Variants in RYR3 observed in about 807,000 individuals in gnomAD.
RYR3 encodes brain ryanodine receptor-calcium release channel.
A neutral mutation model predicts 584.3 loss-of-function variants in RYR3; 207 were observed. The observed-to-expected ratio is 0.35, with a 90% CI of 0.32 to 0.40. The LOEUF (loss-of-function observed/expected upper bound fraction) is 0.40, where lower values mean the gene tolerates loss of function less well. RYR3 is among the 10% of genes least tolerant of loss of function. The probability of loss-of-function intolerance (pLI) is 1.00; values close to 1 mark genes in which losing one functional copy is unlikely to be tolerated. For synonymous variants in RYR3, 2,416 were observed against 2,248.5 expected, an observed-to-expected ratio of 1.07 and a Z score of -2.11; for missense variants, 5,616 against 6,089.2, an observed-to-expected ratio of 0.92 and a Z score of 2.59.
Position 33,598,380 on chromosome 15 carries a change from T to A in RYR3, c.1789-3039T>A, listed in dbSNP as rs549561146. 6.6e-5 allele frequency among the ~76,000 whole-genome samples: 10 copies of A among 151,192 alleles called. No individual in the cohort carries two copies. In the South Asian group the frequency reaches 1.7e-3, roughly 25 times the overall value. ...CTAAGCTGACTTTTAACCATTGAGCTCCTTTAAAAAAGTTTTTTTTTAAAT... is the reference window on the plus strand; with the variant it reads ...CTAAGCTGACTTTTAACCATTGAGCACCTTTAAAAAAGTTTTTTTTTAAAT... On this transcript the variant is annotated intron_variant, in intron 16 of 103. Coordinates refer to ENST00000634891, the MANE Select transcript of RYR3 (RefSeq NM_001036.6).
Position 33,693,326 on chromosome 15 carries a change from G to T in RYR3, c.5861-2892G>T, listed in dbSNP as rs2065586232. Among the ~76,000 whole-genome samples, 11 of 152,232 alleles carry T rather than the reference G, an allele frequency of 7.2e-5. No homozygotes were observed. In the South Asian group the frequency reaches 2.3e-3, roughly 32 times the overall value. ...GCGCCACCACTCCAGCAGCGCCCAG[G>T]TCCTGTGCCCGGCCCTTTGCGCTGC... On this transcript the variant is annotated intron_variant, in intron 38 of 103. Coordinates refer to ENST00000634891, the MANE Select transcript of RYR3 (RefSeq NM_001036.6).
chr15:33,857,267 C>A (rs1298820566), intron 98 of RYR3, among the ~76,000 whole-genome samples: 1 of 138,496 alleles, frequency 7.2e-6, no homozygotes, highest in Admixed American at 7.3e-5. Flanking sequence ...CACCTGGTCT[C>A]CTCAGGGGCC....
intron 51 of RYR3, among the ~76,000 whole-genome samples, chr15:33,741,692 C>T (rs2070137989): frequency 6.6e-6 from 1 of 152,164 alleles, no homozygotes; most frequent in South Asian, 2.1e-4. Flanking sequence ...CAACTCACTG[C>T]AAGCTCCACC....
chr15:33,315,841 C>T (rs1968089144), intron 1 of RYR3, among the ~76,000 whole-genome samples: 2 of 152,188 alleles, frequency 1.3e-5, no homozygotes, highest in Non-Finnish European at 2.9e-5. Flanking sequence ...GGATTTTAAG[C>T]TGCTGATCTC....
At chr15:33,579,892 C>A in intron 12 of RYR3, 84 bp from the exon 13 acceptor site, 2 of 1,036,992 alleles carry the variant, frequency 1.9e-6, no homozygotes, top group Non-Finnish European at 2.7e-6. Flanking sequence ...CCGTGGGGGG[C>A]TGTTAGGAGT....
chr15:33,468,738 A>C (rs544706162), intron 1 of RYR3, among the ~76,000 whole-genome samples: 34 of 152,340 alleles, frequency 2.2e-4, no homozygotes, highest in Non-Finnish European at 4.3e-4. Flanking sequence ...AATTGGGTGC[A>C]TAATAGACAT....
At chr15:33,503,541 T>C in intron 2 of RYR3, 90 bp from the exon 3 acceptor site, 2 of 753,750 alleles carry the variant, frequency 2.7e-6, no homozygotes, top group Non-Finnish European at 4.5e-6. Context: ...GTCATTTTGA[T>C]TCATAGGCTC....
intron 3 of RYR3, among the ~76,000 whole-genome samples, chr15:33,510,375 C>T (rs1196855203): frequency 2.0e-5 from 3 of 152,248 alleles, no homozygotes; most frequent in African/African-American, 7.2e-5. Flanking sequence ...CATCACGTCA[C>T]TTCCTCTGGT....
At position 33,636,618 on chromosome 15, in the gene RYR3, G is replaced by A. The variant is rs574912420; in HGVS notation, c.3556+68G>A. 396 of 1,361,980 alleles carry A rather than the reference G, an allele frequency of 2.9e-4. 1 individual carries two copies. The highest frequency in any genetic ancestry group is 7.6e-4 in the East Asian group (33 of 43,294). 84.4% of individuals were successfully genotyped at this position (1,361,980 alleles called of 1,614,324 possible). ...GAGGAAAATATAGGGAGAGCTGAGC[G>A]ACCTGCTCTACTTCCTTATTCGGTC... On this transcript the variant is annotated intron_variant, in intron 27 of 103. Coordinates refer to ENST00000634891, the MANE Select transcript of RYR3 (RefSeq NM_001036.6).
rs376501123 is a variant in RYR3, at chr15:33,800,817, G to T, written c.9878G>T (p.Arg3293Leu). 3 of 1,613,656 alleles carry T rather than the reference G, an allele frequency of 1.9e-6. No individual in the cohort carries two copies. The highest frequency in any genetic ancestry group is 2.5e-6 in the Non-Finnish European group (3 of 1,179,594). The change falls in exon 68 of 104, where the codon CGC becomes CTC. Residue 3293 changes from arginine to leucine, a missense_variant. Arg to Leu is a moderately radical substitution (Grantham distance 102). Around this residue, in one of 9 missense-constraint regions of RYR3, gnomAD observed 954 missense variants for 1,132.2 expected, o/e 0.84. Coordinates refer to ENST00000634891, the MANE Select transcript of RYR3 (RefSeq NM_001036.6). ...GATGCTGATTCTGACCAGCTCTTCCGCATGGTGGCAGAAGTCTTCATTCTG... is the reference window on the plus strand; with the variant it reads ...GATGCTGATTCTGACCAGCTCTTCCTCATGGTGGCAGAAGTCTTCATTCTG... ...SPDADSDQLFRMVAEVFILWC... is the reference protein window; with the variant it reads ...SPDADSDQLFLMVAEVFILWC...
rs941161709 is a variant in RYR3 at position 33,660,116 on chromosome 15, T to A, written c.4396-81T>A. 5.6e-6 allele frequency: 5 copies of A among 900,600 alleles called. No individual in the cohort carries two copies. In the African/African-American group the frequency reaches 8.3e-5, roughly 15 times the overall value. 55.8% of individuals were successfully genotyped at this position (900,600 alleles called of 1,614,324 possible). On this transcript the variant is annotated intron_variant, in intron 33 of 103. Coordinates refer to ENST00000634891, the MANE Select transcript of RYR3 (RefSeq NM_001036.6). Reference sequence around the variant, plus strand: ...ACATTTGTCCCTCTTTAATTTATACTGGCCATATCGGTTAAAATGTCTGGG... The same window carrying A: ...ACATTTGTCCCTCTTTAATTTATACAGGCCATATCGGTTAAAATGTCTGGG...
intron 84 of RYR3, 60 bp from the exon 85 acceptor site, chr15:33,827,139 G>GC: frequency 1.7e-6 from 2 of 1,194,108 alleles, no homozygotes; most frequent in Admixed American, 4.2e-5. Flanking sequence ...AGCTGAGAGG[G>GC]CATGCTTGGC....
chr15:33,838,967 C>A lies in RYR3; in HGVS notation c.12978+9C>A, dbSNP rs760807515. ...AGAAGAGGAAAGCTCAGGTAAGTGT[C>A]ATTTGTTTCTTTCATCTTCCTTTAT... On this transcript the variant is annotated intron_variant, in intron 89 of 103. Transcript: ENST00000634891. 1.9e-6 allele frequency: 3 copies of A among 1,595,504 alleles called. No homozygotes were observed. The highest frequency in any genetic ancestry group is 2.3e-5 in the South Asian group (2 of 87,694).
chr15:33,413,289 T>C (rs941234627), intron 1 of RYR3, among the ~76,000 whole-genome samples: 1 of 152,242 alleles, frequency 6.6e-6, no homozygotes, highest in Non-Finnish European at 1.5e-5. Context: ...GTTTGTCATA[T>C]CTTAGAAGCT....
chr15:33,376,681 C>T (rs988076158), intron 1 of RYR3, among the ~76,000 whole-genome samples: 3 of 152,180 alleles, frequency 2.0e-5, no homozygotes, highest in Non-Finnish European at 4.4e-5. Context: ...GGGTAGTACT[C>T]CACAACATCC....
chr15:33,472,908 G>A (rs961951729), intron 1 of RYR3, among the ~76,000 whole-genome samples: 3 of 151,812 alleles, frequency 2.0e-5, no homozygotes, highest in African/African-American at 7.3e-5. Flanking sequence ...ACCATCTCTG[G>A]CAAATATGCG....
At chr15:33,413,777 C>T (rs1252050929) in intron 1 of RYR3, among the ~76,000 whole-genome samples, 1 of 152,192 alleles carries the variant, frequency 6.6e-6, no homozygotes, top group Non-Finnish European at 1.5e-5. Flanking sequence ...GCCACCTTTC[C>T]CATCAAAGTT....
At position 33,854,924 on chromosome 15, in the gene RYR3, A is replaced by G. The variant is rs780051650; in HGVS notation, c.14007+12A>G. The G allele has an allele frequency of 1.9e-6, 3 of 1,605,632 alleles. No homozygotes were observed. The highest frequency in any genetic ancestry group is 2.6e-6 in the Non-Finnish European group (3 of 1,176,292). ...ACAATGGCAAACAGGTATGGTTTCTACTGATGCAGAACAGAATGGACCTGT... is the reference window on the plus strand; with the variant it reads ...ACAATGGCAAACAGGTATGGTTTCTGCTGATGCAGAACAGAATGGACCTGT... On this transcript the variant is annotated intron_variant, in intron 98 of 103. Coordinates refer to ENST00000634891, the MANE Select transcript of RYR3 (RefSeq NM_001036.6).
chr15:33,360,211 A>G (rs1039483667), intron 1 of RYR3, among the ~76,000 whole-genome samples: 3 of 152,172 alleles, frequency 2.0e-5, no homozygotes, highest in African/African-American at 7.2e-5. Flanking sequence ...GTAGACCTGT[A>G]TAATCACTCT....
Sources: gnomAD v4.1 joint callset for allele counts (sites outside exome capture counted in the v4.1 genomes callset) on GRCh38, gnomAD v4.1.1 for gene constraint, gnomAD v4.1.1 regional missense constraint, MANE v1.5 for transcripts, NCBI Gene and HGNC (gene_info 2026-07-23, HGNC 2026-07-21) for gene names.